XKR6: variants seen among roughly 807,000 people sequenced by gnomAD.
XKR6 encodes XK-related protein 6.
XKR6 carries 22 observed loss-of-function variants against 56.7 expected under a neutral mutation model. The ratio of observed to expected loss-of-function variants is 0.39; its 90% confidence interval spans 0.28 to 0.55. The LOEUF is 0.55. Among genes scored for constraint, XKR6 ranks in the 20% least tolerant of loss-of-function variants. The pLI is 0.66. For missense variants in XKR6, 852 were observed against 889.0 expected (o/e 0.96, Z 0.53); for synonymous variants, 524 against 387.8 (o/e 1.35, Z -4.13).
chr8:10,959,586 G>T (rs1802001231), intron 1 of XKR6, among the ~76,000 whole-genome samples: 1 of 152,128 alleles, frequency 6.6e-6, no homozygotes, highest in African/African-American at 2.4e-5. Flanking sequence ...GAACAAGCTT[G>T]CTGGTGTCTC....
At chr8:10,982,348 C>T (rs534322978) in intron 1 of XKR6, among the ~76,000 whole-genome samples, 1 of 152,286 alleles carries the variant, frequency 6.6e-6, no homozygotes, top group African/African-American at 2.4e-5. Flanking sequence ...TCTGTTTTTT[C>T]TGTCTAAGAT....
chr8:11,193,414 A>G (rs1191226771), intron 1 of XKR6, among the ~76,000 whole-genome samples: 1 of 151,992 alleles, frequency 6.6e-6, no homozygotes, highest in African/African-American at 2.4e-5. Context: ...AATACAATAT[A>G]CCAAGATCTA....
intron 1 of XKR6, among the ~76,000 whole-genome samples, chr8:11,168,790 C>T (rs1802215739): frequency 6.6e-6 from 1 of 152,170 alleles, no homozygotes; most frequent in Admixed American, 6.5e-5. Context: ...GATAAGAAAA[C>T]TCGCACAAAC....
intron 1 of XKR6, among the ~76,000 whole-genome samples, chr8:11,020,171 G>C (rs1408605743): frequency 6.6e-6 from 1 of 152,084 alleles, no homozygotes; most frequent in Non-Finnish European, 1.5e-5. Flanking sequence ...GGCAGGCATA[G>C]GATGAGGGGA....
At chr8:11,114,993 A>G (rs370637959) in intron 1 of XKR6, among the ~76,000 whole-genome samples, 1 of 152,202 alleles carries the variant, frequency 6.6e-6, no homozygotes, top group East Asian at 1.9e-4. Context: ...TGACAGAACG[A>G]GTTCTAAACC....
chr8:11,100,688 CATCTT>C (rs563833334), intron 1 of XKR6, among the ~76,000 whole-genome samples: 51 of 152,348 alleles, frequency 3.3e-4, no homozygotes, highest in Middle Eastern at 3.4e-3. Context: ...GTATGATTCT[CATCTT>C]CTCAGAAAAA....
chr8:10,915,261 G>A (rs994407994), intron 2 of XKR6, among the ~76,000 whole-genome samples: 3 of 152,246 alleles, frequency 2.0e-5, no homozygotes, highest in Non-Finnish European at 4.4e-5. Flanking sequence ...TAGGCACATA[G>A]TAGGTGATTA....
At chr8:10,993,201 T>G (rs1046570955) in intron 1 of XKR6, among the ~76,000 whole-genome samples, 17 of 152,242 alleles carry the variant, frequency 1.1e-4, no homozygotes, top group African/African-American at 4.1e-4. Context: ...GGCTGGTAGC[T>G]CTCGCGCCCA....
At chr8:10,990,791 C>T (rs1032418127) in intron 1 of XKR6, among the ~76,000 whole-genome samples, 5 of 152,054 alleles carry the variant, frequency 3.3e-5, no homozygotes, top group African/African-American at 1.2e-4. Context: ...TCCTGCTTCC[C>T]AGGCTGGTCT....
At chr8:10,904,931 A>G (rs1448391425) in intron 2 of XKR6, among the ~76,000 whole-genome samples, 1 of 152,022 alleles carries the variant, frequency 6.6e-6, no homozygotes, top group East Asian at 1.9e-4. Flanking sequence ...GCTCAGCCCC[A>G]CCGCTAAGTC....
intron 1 of XKR6, among the ~76,000 whole-genome samples, chr8:11,091,505 CAA>C (rs1316756960): frequency 2.0e-5 from 3 of 151,536 alleles, no homozygotes; most frequent in African/African-American, 7.3e-5. Flanking sequence ...AAAGAAAACT[CAA>C]GAGGAATTGA....
intron 1 of XKR6, among the ~76,000 whole-genome samples, chr8:11,086,148 A>ATATATAT (rs71203369): frequency 4.9e-4 from 59 of 120,734 alleles, no homozygotes; most frequent in Non-Finnish European, 7.9e-4. Context: ...ATATATATAT[A>ATATATAT]TTTTTTTTTA....
At chr8:11,150,852 CAA>C (rs546547767) in intron 1 of XKR6, among the ~76,000 whole-genome samples, 7 of 90,278 alleles carry the variant, frequency 7.8e-5, no homozygotes, top group East Asian at 5.2e-4. Context: ...GACTCCATCT[CAA>C]AAAAAAAAAA....
At chr8:10,994,506 G>A (rs909045589) in intron 1 of XKR6, among the ~76,000 whole-genome samples, 2 of 152,208 alleles carry the variant, frequency 1.3e-5, no homozygotes, top group Non-Finnish European at 1.5e-5. Flanking sequence ...TCTGCAAGGC[G>A]CCTGTCCTCA....
chr8:11,127,086 G>C (rs1294567590), intron 1 of XKR6, among the ~76,000 whole-genome samples: 1 of 152,114 alleles, frequency 6.6e-6, no homozygotes, highest in Non-Finnish European at 1.5e-5. Context: ...AGAGTACTAA[G>C]GGTACTCTAG....
intron 1 of XKR6, among the ~76,000 whole-genome samples, chr8:11,179,697 C>T (rs1028061429): frequency 2.0e-5 from 3 of 152,186 alleles, no homozygotes; most frequent in African/African-American, 7.2e-5. Context: ...GTCAACACTG[C>T]AGGACTTTCA....
intron 1 of XKR6, among the ~76,000 whole-genome samples, chr8:11,129,821 C>T (rs1253806637): frequency 6.6e-6 from 1 of 152,140 alleles, no homozygotes; most frequent in Non-Finnish European, 1.5e-5. Flanking sequence ...AAGCATAATC[C>T]TTTCCATTTT....
At chr8:11,103,300 C>A (rs989173287) in intron 1 of XKR6, among the ~76,000 whole-genome samples, 4 of 152,176 alleles carry the variant, frequency 2.6e-5, no homozygotes, top group Non-Finnish European at 5.9e-5. Context: ...AATGCTCCAA[C>A]ACCTGCCTTA....
In XKR6 at chr8:10,899,581, C is replaced by T. The variant is rs540181063; in HGVS notation, c.962-665G>A. 6.6e-5 allele frequency among the ~76,000 whole-genome samples: 10 copies of T among 152,328 alleles called. No homozygotes were observed. In the South Asian group the frequency reaches 2.1e-3, roughly 32 times the overall value. ...TCTCACCCACTCTGGTCTTTTCGGC[C>T]TCTCCACAATCCCTGTTGCTTTTTC... On this transcript the variant is annotated intron_variant, in intron 2 of 2. Coordinates refer to ENST00000416569, the MANE Select transcript of XKR6 (RefSeq NM_173683.4).
Sources: allele counts gnomAD v4.1 joint callset (sites outside exome capture counted in the v4.1 genomes callset), GRCh38; gene constraint gnomAD v4.1.1; transcripts MANE v1.5; gene names NCBI Gene and HGNC (gene_info 2026-07-23, HGNC 2026-07-21).